Variants in NWD2 observed in about 807,000 individuals in gnomAD.
NWD2 encodes the protein NACHT and WD repeat domain containing 2, also known as NACHT and WD repeat domain-containing protein 2.
Under a neutral mutation model 132.7 loss-of-function variants are expected in NWD2, and 37 were observed. That is an observed-to-expected ratio of 0.28 (90% CI 0.21 to 0.37). The LOEUF is 0.37. Ranked by LOEUF, NWD2 falls within the 10% of genes least tolerant of loss-of-function variation. NWD2 has a pLI of 1.00. For synonymous variants in NWD2, 705 were observed against 803.0 expected (o/e 0.88, Z 2.06); for missense variants, 1,592 against 2,122.4 (o/e 0.75, Z 4.91).
At chr4:37,296,207 T>A (rs1403933304) in intron 1 of NWD2, among the ~76,000 whole-genome samples, 1 of 152,244 alleles carries the variant, frequency 6.6e-6, no homozygotes. Context: ...CTAGTGTTCC[T>A]AAGGCTGTGG....
chr4:37,244,898 G>C lies in NWD2; in HGVS notation c.-170G>C, dbSNP rs1577641896. ...GTCCGTATGGCTTCTCCTCGCCGGCGGGTGCTGTGCGCCACGGAGCTCGCC... is the reference window on the plus strand; with the variant it reads ...GTCCGTATGGCTTCTCCTCGCCGGCCGGTGCTGTGCGCCACGGAGCTCGCC... On this transcript the variant is annotated 5_prime_UTR_variant, in exon 1 of 7. Coordinates refer to ENST00000309447, the MANE Select transcript of NWD2 (RefSeq NM_001144990.2). The surrounding 1 kb of genome is among the most constrained non-coding windows in gnomAD (Gnocchi z 5.5). 1.0e-5 allele frequency: 8 copies of C among 768,118 alleles called. No individual in the cohort carries two copies. Among genetic ancestry groups the C allele is most frequent in the Non-Finnish European group, 1.4e-5 (7 of 505,062 alleles). 47.6% of individuals were successfully genotyped at this position (768,118 alleles called of 1,614,324 possible). A position where few individuals can be genotyped will look rare whatever the true frequency, so the allele number is the denominator to read the frequency against.
intron 3 of NWD2, among the ~76,000 whole-genome samples, chr4:37,392,498 T>C (rs10008903): frequency 0.54 from 82,491 of 151,934 alleles, 22,650 homozygotes; most frequent in South Asian, 0.57. Context: ...ATGCCAATAC[T>C]AACCCCTCTG....
At chr4:37,422,981 T>A (rs1367403945) in intron 3 of NWD2, among the ~76,000 whole-genome samples, 1 of 142,916 alleles carries the variant, frequency 7.0e-6, no homozygotes, top group African/African-American at 2.5e-5. Flanking sequence ...TTGTAGGAAA[T>A]TGATTTTTTT....
At chr4:37,336,808 G>T (rs1719414778) in intron 2 of NWD2, among the ~76,000 whole-genome samples, 1 of 151,734 alleles carries the variant, frequency 6.6e-6, no homozygotes, top group Non-Finnish European at 1.5e-5. Flanking sequence ...GCGTGCTGGT[G>T]GGCGCCTGTA....
intron 2 of NWD2, among the ~76,000 whole-genome samples, chr4:37,341,180 A>G (rs1719510927): frequency 6.6e-6 from 1 of 152,228 alleles, no homozygotes; most frequent in South Asian, 2.1e-4. Flanking sequence ...ATTACATGAG[A>G]TACTCAACAC....
chr4:37,448,278 GT>G lies in NWD2; in HGVS notation c.*1062del. ...ACTCTGGGATAAACTGAATATGCCT[GT>G]CTTTGTGCTAAAATATTCCATAAAT... On this transcript the variant is annotated 3_prime_UTR_variant, in exon 7 of 7. Coordinates refer to ENST00000309447, the MANE Select transcript of NWD2 (RefSeq NM_001144990.2). 6.6e-6 allele frequency: 1 copy of G among 152,292 alleles called. No individual in the cohort carries two copies. The highest frequency in any genetic ancestry group is 1.9e-4 in the East Asian group (1 of 5,186). 9.4% of individuals were successfully genotyped at this position (152,292 alleles called of 1,614,324 possible).
At chr4:37,364,691 TACACACACACACAC>T (rs57981065) in intron 3 of NWD2, among the ~76,000 whole-genome samples, 2 of 146,594 alleles carry the variant, frequency 1.4e-5, no homozygotes, top group African/African-American at 2.5e-5. Flanking sequence ...TACCTCCACT[TACACACACACACAC>T]ACACACACAC....
intron 2 of NWD2, among the ~76,000 whole-genome samples, chr4:37,334,133 G>C (rs1159271733): frequency 3.3e-5 from 5 of 152,158 alleles, no homozygotes; most frequent in Non-Finnish European, 7.3e-5. Flanking sequence ...GCTAGAAAGT[G>C]TATTCAAAGG....
In NWD2 at chr4:37,430,122, T is replaced by C. The variant is rs1427249511; in HGVS notation, c.358-450T>C. ...AGTATCACATTCAGTGATGTCATAC[T>C]TCTTTTTATTGTAGCAGTGTGAATC... On this transcript the variant is annotated intron_variant, in intron 3 of 6. Coordinates refer to ENST00000309447, the MANE Select transcript of NWD2 (RefSeq NM_001144990.2). Among the ~76,000 whole-genome samples the C allele has an allele frequency of 2.0e-5, 3 of 152,230 alleles. No homozygotes were observed. The East Asian group carries it at 5.8e-4, about 29-fold the overall frequency.
chr4:37,375,566 C>CT (rs34055055), intron 3 of NWD2, among the ~76,000 whole-genome samples: 37,862 of 130,166 alleles, frequency 0.29, 6,127 homozygotes, highest in East Asian at 0.56. Context: ...CTGGAATTCA[C>CT]TTTTTTTTTT....
chr4:37,322,497 T>A (rs1284795210), intron 1 of NWD2, among the ~76,000 whole-genome samples: 1 of 152,178 alleles, frequency 6.6e-6, no homozygotes, highest in African/African-American at 2.4e-5. Context: ...AAGCCAGTGC[T>A]TCTGGAGGGA....
intron 3 of NWD2, among the ~76,000 whole-genome samples, chr4:37,387,884 G>T (rs1259206293): frequency 2.6e-5 from 4 of 151,784 alleles, no homozygotes; most frequent in African/African-American, 9.7e-5. Flanking sequence ...ATGTTGGCCA[G>T]GCTGGTCTTG....
chr4:37,426,850 A>G (rs755393425), intron 3 of NWD2, among the ~76,000 whole-genome samples: 5 of 152,292 alleles, frequency 3.3e-5, no homozygotes, highest in South Asian at 4.1e-4. Flanking sequence ...GAACCAATCC[A>G]TAGATTTGAC....
intron 1 of NWD2, among the ~76,000 whole-genome samples, chr4:37,253,539 A>AAATG (rs1461315415): frequency 1.3e-5 from 2 of 152,196 alleles, no homozygotes. Flanking sequence ...TGGGAAGGTT[A>AAATG]AATGAGGTAA....
intron 3 of NWD2, among the ~76,000 whole-genome samples, chr4:37,369,708 A>C (rs1436685210): frequency 6.6e-6 from 1 of 152,242 alleles, no homozygotes; most frequent in Non-Finnish European, 1.5e-5. Flanking sequence ...GTCAAATGCA[A>C]AGAAAATGCA....
intron 1 of NWD2, among the ~76,000 whole-genome samples, chr4:37,288,077 A>G (rs1674052153): frequency 6.6e-6 from 1 of 152,130 alleles, no homozygotes; most frequent in African/African-American, 2.4e-5. Context: ...ATGAAACACC[A>G]CATGTTCTCA....
At chr4:37,270,245 C>T (rs1370711685) in intron 1 of NWD2, among the ~76,000 whole-genome samples, 4 of 151,660 alleles carry the variant, frequency 2.6e-5, no homozygotes, top group East Asian at 1.9e-4. Flanking sequence ...TAGTTATTAG[C>T]GTAATTCAAG....
intron 3 of NWD2, among the ~76,000 whole-genome samples, chr4:37,418,712 C>G (rs994607220): frequency 6.6e-6 from 1 of 151,714 alleles, no homozygotes; most frequent in African/African-American, 2.4e-5. Context: ...AATGGTATTT[C>G]TGGTTCTAGA....
intron 1 of NWD2, among the ~76,000 whole-genome samples, chr4:37,279,343 C>T (rs1349898383): frequency 6.6e-6 from 1 of 152,130 alleles, no homozygotes; most frequent in Admixed American, 6.6e-5. Flanking sequence ...AACACTAGAT[C>T]TGTAGGAGAG....
Sources: gnomAD v4.1 joint callset for allele counts (sites outside exome capture counted in the v4.1 genomes callset) on GRCh38, gnomAD v4.1.1 for gene constraint, Gnocchi (gnomAD v3.1) non-coding constraint, MANE v1.5 for transcripts, NCBI Gene and HGNC (gene_info 2026-07-23, HGNC 2026-07-21) for gene names.